Variants in NKAIN3 observed in about 807,000 individuals in gnomAD.
The protein encoded by NKAIN3 is sodium/potassium transporting ATPase interacting 3, also known as sodium/potassium-transporting ATPase subunit beta-1-interacting protein 3.
A neutral mutation model predicts 30.2 loss-of-function variants in NKAIN3; 25 were observed. The ratio of observed to expected loss-of-function variants is 0.83; its 90% CI spans 0.60 to 1.16. The LOEUF (loss-of-function observed/expected upper bound fraction) is 1.16, where lower values mean the gene tolerates loss of function less well. Among genes scored for constraint, NKAIN3 ranks in the 50% most tolerant of loss-of-function variants. The pLI, the probability that NKAIN3 is intolerant of heterozygous loss-of-function variation, is 0.00. For synonymous variants in NKAIN3, 91 were observed against 89.6 expected, an observed-to-expected ratio of 1.02 and a Z score of -0.09; for missense variants, 225 against 254.1, an observed-to-expected ratio of 0.89 and a Z score of 0.78.
chr8:62,273,711 T>C (rs1009172897), intron 1 of NKAIN3, among the ~76,000 whole-genome samples: 6 of 152,218 alleles, frequency 3.9e-5, no homozygotes, highest in African/African-American at 1.4e-4. Flanking sequence ...CTTATGTATT[T>C]TTGCAGTCAG....
intron 1 of NKAIN3, among the ~76,000 whole-genome samples, chr8:62,501,994 A>G (rs772195181): frequency 2.0e-5 from 3 of 152,142 alleles, no homozygotes; most frequent in Non-Finnish European, 4.4e-5. Flanking sequence ...AAGTGTTTCC[A>G]ATTTTCTAGG....
At position 62,796,936 on chromosome 8, in the gene NKAIN3, C is replaced by T. The variant is rs1234852362; in HGVS notation, c.471+49807C>T. ...TGCTGGTTCTCCTGAAAAAGGTGGA[C>T]TTTATCTCACAAGTATTTTAGACTA... On this transcript the variant is annotated intron_variant, in intron 4 of 6. Coordinates refer to ENST00000623646, the MANE Select transcript of NKAIN3 (RefSeq NM_001304533.3). Among the ~76,000 whole-genome samples, 4 of 152,130 alleles carry T rather than the reference C, an allele frequency of 2.6e-5. No individual in the cohort carries two copies. In the East Asian group the frequency reaches 7.7e-4, roughly 29 times the overall value.
intron 4 of NKAIN3, among the ~76,000 whole-genome samples, chr8:62,747,531 A>T (rs1816120562): frequency 6.6e-6 from 1 of 152,230 alleles, no homozygotes; most frequent in Non-Finnish European, 1.5e-5. Flanking sequence ...TGGTCTAATA[A>T]ACCTGACATT....
rs369668923 is a variant in NKAIN3 at position 62,478,833 on chromosome 8, A to G, written c.55-100706A>G. On this transcript the variant is annotated intron_variant, in intron 1 of 6. Transcript: ENST00000623646. ...ACACAATTCTGAGTTACAGACAGTA[A>G]TAAAAATTGCATTGGTCACCAAATA... Among the ~76,000 whole-genome samples the G allele has an allele frequency of 6.2e-4, 95 of 152,314 alleles. 3 individuals are homozygous for G. The South Asian group carries it at 0.018, about 30-fold the overall frequency.
At chr8:62,864,740 G>A (rs1040623293) in intron 4 of NKAIN3, among the ~76,000 whole-genome samples, 1 of 152,080 alleles carries the variant, frequency 6.6e-6, no homozygotes, top group African/African-American at 2.4e-5. Flanking sequence ...GCAAAAACCC[G>A]GGAGGCTGAC....
chr8:62,961,355 C>T (rs920429341), intron 6 of NKAIN3, among the ~76,000 whole-genome samples: 1 of 151,936 alleles, frequency 6.6e-6, no homozygotes, highest in African/African-American at 2.4e-5. Context: ...CACAGCACCA[C>T]CTATAGAATG....
intron 3 of NKAIN3, among the ~76,000 whole-genome samples, chr8:62,746,542 C>T (rs371991614): frequency 6.6e-6 from 1 of 152,190 alleles, no homozygotes; most frequent in African/African-American, 2.4e-5. Flanking sequence ...CAACATCTAC[C>T]ATGCCATAAA....
intron 1 of NKAIN3, among the ~76,000 whole-genome samples, chr8:62,309,100 A>G (rs1265610935): frequency 6.6e-6 from 1 of 150,596 alleles, no homozygotes; most frequent in East Asian, 1.9e-4. Flanking sequence ...TCTATCCATT[A>G]TGATGCCATG....
chr8:62,360,743 G>T (rs1341347217), intron 1 of NKAIN3, among the ~76,000 whole-genome samples: 1 of 152,060 alleles, frequency 6.6e-6, no homozygotes, highest in African/African-American at 2.4e-5. Context: ...CACTATTATT[G>T]TGTGGGAGTC....
intron 3 of NKAIN3, among the ~76,000 whole-genome samples, chr8:62,728,919 G>A (rs1815353817): frequency 1.3e-5 from 2 of 150,722 alleles, no homozygotes; most frequent in African/African-American, 2.4e-5. Context: ...GAACCCGGAA[G>A]GCGGAGCTTG....
downstream of NKAIN3, among the ~76,000 whole-genome samples, chr8:62,985,983 T>C (rs1456775763): frequency 2.0e-5 from 3 of 152,204 alleles, no homozygotes; most frequent in African/African-American, 7.2e-5. Context: ...AGAGTGTCTA[T>C]CTACTTACAA....
intron 4 of NKAIN3, among the ~76,000 whole-genome samples, chr8:62,765,346 G>A (rs1374576790): frequency 6.6e-6 from 1 of 151,580 alleles, no homozygotes; most frequent in Non-Finnish European, 1.5e-5. Flanking sequence ...GAGCATGAGT[G>A]TGCAAATCAT....
chr8:62,861,778 C>T (rs1406189862), intron 4 of NKAIN3, among the ~76,000 whole-genome samples: 2 of 152,180 alleles, frequency 1.3e-5, no homozygotes, highest in South Asian at 2.1e-4. Context: ...CATCTATTGT[C>T]TTTCCTCCTT....
At chr8:62,521,072 ATT>A (rs1808140546) in intron 1 of NKAIN3, among the ~76,000 whole-genome samples, 1 of 151,650 alleles carries the variant, frequency 6.6e-6, no homozygotes, top group Non-Finnish European at 1.5e-5. Context: ...GTAAGAAAAA[ATT>A]TCTCTCTATT....
chr8:62,810,475 C>A (rs985312504), intron 4 of NKAIN3, among the ~76,000 whole-genome samples: 1 of 152,086 alleles, frequency 6.6e-6, no homozygotes, highest in Non-Finnish European at 1.5e-5. Flanking sequence ...GTCACTTAGA[C>A]TCCATGGGCT....
At chr8:62,670,074 T>G (rs1296320021) in intron 3 of NKAIN3, among the ~76,000 whole-genome samples, 1 of 152,100 alleles carries the variant, frequency 6.6e-6, no homozygotes, top group Non-Finnish European at 1.5e-5. Flanking sequence ...ACAACACAAT[T>G]AGAATCAAGT....
At chr8:62,619,698 T>TTA (rs1554555050) in intron 3 of NKAIN3, among the ~76,000 whole-genome samples, 1 of 141,828 alleles carries the variant, frequency 7.1e-6, no homozygotes, top group Non-Finnish European at 1.6e-5. Context: ...TCAAATATTG[T>TTA]AAAAAAAAAA....
intron 4 of NKAIN3, among the ~76,000 whole-genome samples, chr8:62,880,524 A>C (rs1349922181): frequency 1.3e-5 from 2 of 152,258 alleles, no homozygotes; most frequent in Admixed American, 1.3e-4. Context: ...TGGGATGAGA[A>C]GAGATAGAGG....
chr8:62,541,218 G>A (rs1808828866), intron 1 of NKAIN3, among the ~76,000 whole-genome samples: 1 of 152,142 alleles, frequency 6.6e-6, no homozygotes, highest in Non-Finnish European at 1.5e-5. Context: ...TCAGTAGGCT[G>A]AGGCAGGAGA....
Sources: allele counts gnomAD v4.1 joint callset (sites outside exome capture counted in the v4.1 genomes callset), GRCh38; gene constraint gnomAD v4.1.1; transcripts MANE v1.5; gene names NCBI Gene and HGNC (gene_info 2026-07-23, HGNC 2026-07-21).